GPRC6A: variants seen among roughly 807,000 people sequenced by gnomAD.
The protein encoded by GPRC6A is G protein-coupled receptor class C group 6 member A.
Under a neutral mutation model 47.0 loss-of-function variants are expected in GPRC6A, and 54 were observed. The ratio of observed to expected loss-of-function variants is 1.15; its 90% confidence interval spans 0.92 to 1.44. GPRC6A has a LOEUF of 1.44. Ranked by LOEUF, GPRC6A falls within the 40% of genes most tolerant of loss-of-function variation. The pLI is 0.00. For missense variants in GPRC6A, 1,112 were observed against 1,105.5 expected, an observed-to-expected ratio of 1.01 and a Z score of -0.08; for synonymous variants, 347 against 377.1, an observed-to-expected ratio of 0.92 and a Z score of 0.93.
At chr6:116,793,275 A>C (rs1213065897) in intron 5 of GPRC6A, 25 bp from the exon 6 acceptor site, 5 of 1,505,046 alleles carry the variant, frequency 3.3e-6, no homozygotes. Flanking sequence ...AGACGCAGTT[A>C]CATTGTCAAC....
intron 4 of GPRC6A, among the ~76,000 whole-genome samples, chr6:116,800,054 G>A (rs1295509752): frequency 6.6e-6 from 1 of 152,116 alleles, no homozygotes; most frequent in Admixed American, 6.5e-5. Context: ...GAGAAGAGAA[G>A]GCATAAAATA....
At chr6:116,820,415 T>C (rs1032650944) in intron 1 of GPRC6A, among the ~76,000 whole-genome samples, 1 of 151,982 alleles carries the variant, frequency 6.6e-6, no homozygotes. Context: ...AAAAAGAGAA[T>C]TTTAGACCAA....
rs183744554 is a variant in GPRC6A at position 116,792,547 on chromosome 6, G to A, written c.2376C>T (p.Phe792=). The A allele has an allele frequency of 1.6e-5, 26 of 1,613,160 alleles. No individual in the cohort carries two copies. The African/African-American group carries it at 3.5e-4, about 22-fold the overall frequency. The part of the protein sequence containing the change: ...KFITFGMLIY[F]IAWITFIPIY... Reference sequence around the variant, plus strand: ...TAGGGATGAATGTGATCCAAGCTATGAAGTAAATGAGCATGCCAAATGTAA... The same window carrying A: ...TAGGGATGAATGTGATCCAAGCTATAAAGTAAATGAGCATGCCAAATGTAA... Residue 792 remains phenylalanine, a synonymous_variant, in exon 6 of 6, where the codon TTC becomes TTT. Coordinates refer to ENST00000310357, the MANE Select transcript of GPRC6A (RefSeq NM_148963.4).
At chr6:116,816,633 A>T (rs1297375942) in intron 1 of GPRC6A, among the ~76,000 whole-genome samples, 2 of 152,230 alleles carry the variant, frequency 1.3e-5, no homozygotes, top group Non-Finnish European at 2.9e-5. Flanking sequence ...TACCGGGTTC[A>T]TCTCACTAGG....
In GPRC6A at chr6:116,807,132, A is replaced by G; in HGVS notation, c.573T>C (p.Ser191=). 1 of 1,613,738 alleles carries G rather than the reference A, an allele frequency of 6.2e-7. No homozygotes were observed. Among genetic ancestry groups the G allele is most frequent in the Non-Finnish European group, 8.5e-7 (1 of 1,179,748 alleles). ...RFPSFLRTVP[S]DFHQIKAMAH... The stretch of plus-strand genomic sequence containing the variant: ...CCATTGCTTTAATTTGATGGAAGTC[A>G]CTGGGCACAGTCCGTAAAAATGAAG... The change falls in exon 3 of 6, where the codon AGT becomes AGC. Residue 191 remains serine (S), a synonymous_variant. Coordinates refer to ENST00000310357, the MANE Select transcript of GPRC6A (RefSeq NM_148963.4).
At chr6:116,805,470 C>T (rs1468611787) in intron 3 of GPRC6A, among the ~76,000 whole-genome samples, 1 of 151,792 alleles carries the variant, frequency 6.6e-6, no homozygotes, top group Non-Finnish European at 1.5e-5. Context: ...AAATTTAAAA[C>T]TTATATATTT....
rs773857206 is a variant in GPRC6A at position 116,807,103 on chromosome 6, T to C, written c.602A>G (p.His201Arg). The change falls in exon 3 of 6, where the codon CAC (histidine) becomes CGC (arginine). Residue 201 changes from histidine (H) to arginine (R), a missense_variant. Physicochemically the swap from His to Arg is conservative, Grantham distance 29. Transcript: ENST00000310357. ...SDFHQIKAMA[H>R]LIQKSGWNWI... Reference sequence around the variant, plus strand: ...GTTCCAACCAGATTTCTGAATCAGGTGAGCCATTGCTTTAATTTGATGGAA... The same window carrying C: ...GTTCCAACCAGATTTCTGAATCAGGCGAGCCATTGCTTTAATTTGATGGAA... 6.2e-7 allele frequency: 1 copy of C among 1,613,684 alleles called. No homozygotes were observed. The highest frequency in any genetic ancestry group is 1.1e-5 in the South Asian group (1 of 91,056).
intron 1 of GPRC6A, among the ~76,000 whole-genome samples, chr6:116,813,010 T>C (rs949041786): frequency 6.6e-6 from 1 of 152,186 alleles, no homozygotes; most frequent in African/African-American, 2.4e-5. Context: ...CATTCACAAT[T>C]GCTTCAAAGA....
rs375283736 is a variant in GPRC6A, at chr6:116,828,844, C to G, written c.170G>C (p.Arg57Pro). ...KMLSSEDSPRRPQIQECVGFE... is the reference protein window; with the variant it reads ...KMLSSEDSPRPPQIQECVGFE... ...CCCAACACACTCCTGGATTTGTGGT[C>G]GTCTGGGAGAGTCTTCTGAGGACAA... is the stretch of plus-strand genomic sequence containing the variant. Residue 57 changes from arginine to proline, a missense_variant, in exon 1 of 6, where the codon CGA (arginine) becomes CCA (proline). By Grantham distance (103) the Arg-to-Pro change is moderately radical (BLOSUM62 -2). Transcript: ENST00000310357. 2.5e-6 allele frequency: 4 copies of G among 1,612,164 alleles called. No homozygotes were observed. The highest frequency in any genetic ancestry group is 3.4e-6 in the Non-Finnish European group (4 of 1,178,984).
chr6:116,824,894 T>C (rs952449181), intron 1 of GPRC6A, among the ~76,000 whole-genome samples: 5 of 152,036 alleles, frequency 3.3e-5, no homozygotes, highest in African/African-American at 1.2e-4. Flanking sequence ...TAATACACCA[T>C]GATTAAGTGT....
intron 1 of GPRC6A, among the ~76,000 whole-genome samples, chr6:116,812,456 T>A (rs1773056862): frequency 6.6e-6 from 1 of 152,056 alleles, no homozygotes; most frequent in Non-Finnish European, 1.5e-5. Flanking sequence ...GAGGAAGGAC[T>A]CAAATGATAC....
intron 1 of GPRC6A, among the ~76,000 whole-genome samples, chr6:116,813,918 AC>A (rs1169428704): frequency 6.6e-6 from 1 of 152,220 alleles, no homozygotes; most frequent in African/African-American, 2.4e-5. Flanking sequence ...ACAAGAAAAA[AC>A]AACCCCTTCA....
intron 1 of GPRC6A, among the ~76,000 whole-genome samples, chr6:116,821,401 A>T (rs1388540203): frequency 6.6e-6 from 1 of 152,164 alleles, no homozygotes. Context: ...CGCATCGCCA[A>T]GTCAATCCTA....
intron 4 of GPRC6A, among the ~76,000 whole-genome samples, chr6:116,799,552 G>A (rs1244309792): frequency 6.6e-6 from 1 of 152,160 alleles, no homozygotes; most frequent in Admixed American, 6.6e-5. Flanking sequence ...ATTAACTTTG[G>A]TGAGCTAGAC....
rs762531445 is a variant in GPRC6A at position 116,793,212 on chromosome 6, AGTGAGTTTTGTT to A, written c.1699_1710del (p.Asn567_His570del). 6.2e-7 allele frequency: 1 copy of A among 1,605,316 alleles called. No individual in the cohort carries two copies. Among genetic ancestry groups the A allele is most frequent in the South Asian group, 1.1e-5 (1 of 89,216 alleles). The stretch of plus-strand genomic sequence containing the variant: ...CACATAGTGCTCCTAACAGGGGCCC[AGTGAGTTTTGTT>A]GTTGCATAAAAGGCAGTGAGGCATA... On this transcript the variant is annotated inframe_deletion, in exon 6 of 6. Transcript: ENST00000310357.
chr6:116,822,086 T>C (rs1230096847), intron 1 of GPRC6A, among the ~76,000 whole-genome samples: 3 of 146,748 alleles, frequency 2.0e-5, no homozygotes, highest in Non-Finnish European at 4.5e-5. Context: ...AAGACATTTA[T>C]GCAGCCAAAA....
At chr6:116,820,099 A>G (rs1773407419) in intron 1 of GPRC6A, among the ~76,000 whole-genome samples, 1 of 149,310 alleles carries the variant, frequency 6.7e-6, no homozygotes, top group Admixed American at 6.7e-5. Context: ...AATAAACTAG[A>G]AAATCTAGAA....
chr6:116,818,636 A>G (rs1432370697), intron 1 of GPRC6A, among the ~76,000 whole-genome samples: 5 of 149,766 alleles, frequency 3.3e-5, no homozygotes, highest in African/African-American at 7.3e-5. Context: ...GAAATAAAAT[A>G]CTTTACAGAC....
chr6:116,819,978 A>G (rs1271835651), intron 1 of GPRC6A, among the ~76,000 whole-genome samples: 1 of 150,270 alleles, frequency 6.7e-6, no homozygotes, highest in Non-Finnish European at 1.5e-5. Flanking sequence ...TAATAAAGAA[A>G]AAAAGAGAGA....
Sources: gnomAD v4.1 joint callset for allele counts (sites outside exome capture counted in the v4.1 genomes callset) on GRCh38, gnomAD v4.1.1 for gene constraint, MANE v1.5 for transcripts, NCBI Gene and HGNC (gene_info 2026-07-23, HGNC 2026-07-21) for gene names.